Variants in NSD1 observed in about 807,000 individuals in gnomAD.
NSD1 encodes the protein nuclear receptor binding SET domain protein 1.
In NSD1, 26 loss-of-function variants were observed where a neutral mutation model predicts 242.7. The ratio of observed to expected loss-of-function variants is 0.11; its 90% confidence interval spans 0.08 to 0.15. The LOEUF is 0.15. NSD1 is among the 10% of genes least tolerant of loss of function. The probability of loss-of-function intolerance (pLI) is 1.00; values close to 1 mark genes in which losing one functional copy is unlikely to be tolerated. For synonymous variants in NSD1, 1,106 were observed against 1,178.1 expected (o/e 0.94, Z 1.25); for missense variants, 2,495 against 3,272.8 (o/e 0.76, Z 5.80).
chr5:177,285,282 G>C (rs1428491836), intron 20 of NSD1, among the ~76,000 whole-genome samples: 1 of 152,010 alleles, frequency 6.6e-6, no homozygotes. Context: ...TAAAATTTGT[G>C]GCTGGGCGCG....
chr5:177,246,221 C>G (rs1032743730), intron 9 of NSD1, among the ~76,000 whole-genome samples: 2 of 150,894 alleles, frequency 1.3e-5, no homozygotes, highest in Admixed American at 6.6e-5. Context: ...CTGCCGGCCT[C>G]AGCCTCTCAA....
At chr5:177,236,782 T>C (rs980481675) in intron 6 of NSD1, among the ~76,000 whole-genome samples, 1 of 152,224 alleles carries the variant, frequency 6.6e-6, no homozygotes, top group Non-Finnish European at 1.5e-5. Flanking sequence ...ATGTGGAATA[T>C]ATTGTACATT....
intron 3 of NSD1, among the ~76,000 whole-genome samples, chr5:177,197,415 G>A (rs1278767135): frequency 2.0e-5 from 3 of 152,208 alleles, no homozygotes; most frequent in Non-Finnish European, 2.9e-5. Context: ...AAGGTCAGGC[G>A]ATGGAGACCA....
At position 177,296,876 on chromosome 5, in the gene NSD1, C is replaced by T. The variant is rs1760289857; in HGVS notation, c.*1417C>T. The T allele has an allele frequency of 8.6e-6, 2 of 233,218 alleles. No individual in the cohort carries two copies. The highest frequency in any genetic ancestry group is 4.4e-5 in the African/African-American group (2 of 45,348). The allele number at this position is 233,218 out of a possible 1,614,324, so 14.4% of individuals were successfully genotyped here. A position where few individuals can be genotyped will look rare whatever the true frequency, so the allele number is the denominator to read the frequency against. ...TGTCTACCCCTCCTTTGTCCTTAGA[C>T]CAACATGTTTACCTCTCTGCTTTGC... On this transcript the variant is annotated 3_prime_UTR_variant, in exon 23 of 23. Coordinates refer to ENST00000439151, the MANE Select transcript of NSD1 (RefSeq NM_022455.5).
rs967834304 is a variant in NSD1 at position 177,166,743 on chromosome 5, C to CTT, written c.928-25125_928-25124dup. Among the ~76,000 whole-genome samples, 104 of 133,410 alleles carry CTT rather than the reference C, an allele frequency of 7.8e-4. 2 individuals are homozygous for CTT. Among genetic ancestry groups the CTT allele is most frequent in the African/African-American group, 2.5e-3 (93 of 36,502 alleles). The allele number at this position is 133,410 out of a possible 152,430, so 87.5% of individuals were successfully genotyped here. On this transcript the variant is annotated intron_variant, in intron 2 of 22. Transcript: ENST00000439151. Reference sequence around the variant, plus strand: ...AGGCCCTTGATAACATTTTGAGTTACTTTTTTTTTTTTTTTTTCCCTGAGA... The same window carrying CTT: ...AGGCCCTTGATAACATTTTGAGTTACTTTTTTTTTTTTTTTTTTTCCCTGAGA...
chr5:177,152,362 T>C (rs1186745820), intron 2 of NSD1, among the ~76,000 whole-genome samples: 1 of 151,648 alleles, frequency 6.6e-6, no homozygotes, highest in East Asian at 1.9e-4. Flanking sequence ...TGTATGTATG[T>C]TTGTATATAT....
At chr5:177,203,221 G>T (rs1762633797) in intron 3 of NSD1, among the ~76,000 whole-genome samples, 2 of 151,876 alleles carry the variant, frequency 1.3e-5, no homozygotes, top group Admixed American at 1.3e-4. Flanking sequence ...GTGTTGTCCT[G>T]ACTTTCTTTT....
At position 177,191,984 on chromosome 5, in the gene NSD1, C is replaced by G. The variant is rs1761727286; in HGVS notation, c.1028C>G (p.Ser343Cys). Residue 343 changes from serine to cysteine, a missense_variant, in exon 3 of 23, where the codon TCT becomes TGT. Ser to Cys is a moderately radical substitution (Grantham distance 112). Transcript: ENST00000439151. ...CCATGGTGGCCCTGCAGGATTTGTT[C>G]TGATCCGTTGATTAACACACATTCA... ...RRPWWPCRICSDPLINTHSKM... is the reference protein window; with the variant it reads ...RRPWWPCRICCDPLINTHSKM... 2 of 1,614,146 alleles carry G rather than the reference C, an allele frequency of 1.2e-6. No individual in the cohort carries two copies. The highest frequency in any genetic ancestry group is 1.3e-5 in the African/African-American group (1 of 75,064).
At chr5:177,204,424 G>A (rs902930536) in intron 4 of NSD1, 132 bp downstream of exon 4, 1 of 806,322 alleles carries the variant, frequency 1.2e-6, no homozygotes, top group African/African-American at 1.7e-5. Context: ...TGCAATCTTT[G>A]TTCACTGCAA....
In NSD1 at chr5:177,210,037, G is replaced by T; in HGVS notation, c.1638G>T (p.Gln546His). The T allele has an allele frequency of 3.1e-6, 5 of 1,614,080 alleles. No individual in the cohort carries two copies. In the East Asian group the frequency reaches 1.1e-4, roughly 36 times the overall value. Residue 546 changes from glutamine to histidine, a missense_variant, in exon 5 of 23, where the codon CAG becomes CAT. This residue lies in a region of NSD1 where 515 missense variants were observed against 467.0 expected (regional missense o/e 1.10). Transcript: ENST00000439151. ...TCTCTGGGGATATATCTGATACGCA[G>T]GCCTCTAATGAACTTTCCAGGATAG... is the stretch of plus-strand genomic sequence containing the variant. ...NFISGDISDT[Q>H]ASNELSRIAN...
At position 177,238,134 on chromosome 5, in the gene NSD1, G is replaced by T; in HGVS notation, c.3922-103G>T. 1 of 1,321,308 alleles carries T rather than the reference G, an allele frequency of 7.6e-7. No homozygotes were observed. The highest frequency in any genetic ancestry group is 1.1e-6 in the Non-Finnish European group (1 of 917,606). The allele number at this position is 1,321,308 out of a possible 1,614,324, so 81.8% of individuals were successfully genotyped here. On this transcript the variant is annotated intron_variant, in intron 6 of 22. Transcript: ENST00000439151. The surrounding 1 kb of genome is among the most constrained non-coding windows in gnomAD (Gnocchi z 4.6). Reference sequence around the variant, plus strand: ...CTTCAAGGTTCATCCACTTTTTGTAGCCTTTGTCAGAATTTCATTCCTTTT... The same window carrying T: ...CTTCAAGGTTCATCCACTTTTTGTATCCTTTGTCAGAATTTCATTCCTTTT...
intron 9 of NSD1, 119 bp downstream of exon 9, chr5:177,244,389 TG>T: frequency 1.3e-6 from 1 of 743,388 alleles, no homozygotes; most frequent in Admixed American, 2.2e-5. Flanking sequence ...GTTTTAAAAC[TG>T]GTTTGCCCAA....
intron 3 of NSD1, among the ~76,000 whole-genome samples, chr5:177,194,322 T>A (rs952555391): frequency 1.1e-4 from 16 of 151,912 alleles, no homozygotes; most frequent in African/African-American, 3.6e-4. Flanking sequence ...TGTAATGGCA[T>A]AACAACGCCT....
In NSD1 at chr5:177,220,563, CTTTTTT is replaced by C. The variant is rs869220346; in HGVS notation, c.3796+8387_3796+8392del. Among the ~76,000 whole-genome samples, 539 of 84,348 alleles carry C rather than the reference CTTTTTT, an allele frequency of 6.4e-3. 3 individuals carry two copies. The highest frequency in any genetic ancestry group is 0.023 in the African/African-American group (504 of 21,532). The allele number at this position is 84,348 out of a possible 152,430, so 55.3% of individuals were successfully genotyped here. A position where few individuals can be genotyped will look rare whatever the true frequency, so the allele number is the denominator to read the frequency against. On this transcript the variant is annotated intron_variant, in intron 5 of 22. Transcript: ENST00000439151. ...TCCATTTTTTTTCTTATAGTAATTG[CTTTTTT>C]TTTTTTTTTTTTTTTTTTGAAACAG...
intron 14 of NSD1, among the ~76,000 whole-genome samples, chr5:177,260,662 A>C (rs749001431): frequency 1.3e-4 from 20 of 152,092 alleles, no homozygotes; most frequent in Non-Finnish European, 2.5e-4. Context: ...GAACTTTTTA[A>C]AACTTGGCTT....
In NSD1 at chr5:177,134,065, C is replaced by T. The variant is rs1354702831; in HGVS notation, c.-18+113C>T. ...TAAGGTGAGGGGCTCGGGGGAGGGC[C>T]AGGCGCGATGCGGGGTTGGTGGCCG... On this transcript the variant is annotated intron_variant, in intron 1 of 22. Coordinates refer to ENST00000439151, the MANE Select transcript of NSD1 (RefSeq NM_022455.5). This position sits in a 1 kb window ranked among gnomAD's most constrained non-coding sequence, Gnocchi z 4.2. 4 of 150,792 alleles carry T rather than the reference C, an allele frequency of 2.7e-5. No homozygotes were observed. The highest frequency in any genetic ancestry group is 4.4e-5 in the Non-Finnish European group (3 of 67,580). 9.3% of individuals were successfully genotyped at this position (150,792 alleles called of 1,614,324 possible).
chr5:177,209,280 C>G (rs1763138499), intron 4 of NSD1, among the ~76,000 whole-genome samples: 1 of 151,778 alleles, frequency 6.6e-6, no homozygotes, highest in Admixed American at 6.6e-5. Flanking sequence ...GTAATCCCAG[C>G]ACTTTGGGAG....
chr5:177,184,740 C>T (rs1234339150), intron 2 of NSD1, among the ~76,000 whole-genome samples: 3 of 152,156 alleles, frequency 2.0e-5, no homozygotes, highest in Middle Eastern at 3.4e-3. Flanking sequence ...GATGGGATCT[C>T]GCCAAAGTTG....
intron 2 of NSD1, among the ~76,000 whole-genome samples, chr5:177,152,714 T>A (rs989644592): frequency 1.3e-5 from 2 of 151,912 alleles, no homozygotes; most frequent in Non-Finnish European, 2.9e-5. Flanking sequence ...TCCGCCCGCC[T>A]CTGCTTCCCA....
Sources: gnomAD v4.1 joint callset for allele counts (sites outside exome capture counted in the v4.1 genomes callset) on GRCh38, gnomAD v4.1.1 for gene constraint, gnomAD v4.1.1 regional missense constraint, Gnocchi (gnomAD v3.1) non-coding constraint, MANE v1.5 for transcripts, NCBI Gene and HGNC (gene_info 2026-07-23, HGNC 2026-07-21) for gene names.